SYT13: variants seen among roughly 807,000 people sequenced by gnomAD.
SYT13 encodes synaptotagmin-13.
SYT13 carries 21 observed loss-of-function variants against 38.6 expected under a neutral mutation model. The observed-to-expected ratio is 0.54, with a 90% CI of 0.39 to 0.78. The LOEUF is 0.78. Ranked by LOEUF, SYT13 falls within the 30% of genes least tolerant of loss-of-function variation. The probability of loss-of-function intolerance (pLI) is 0.00; values close to 1 mark genes in which losing one functional copy is unlikely to be tolerated. For missense variants in SYT13, 495 were observed against 548.7 expected (o/e 0.90, Z 0.98); for synonymous variants, 241 against 237.6 (o/e 1.01, Z -0.13).
rs1444026648 is a variant in SYT13, at chr11:45,286,006, GC to G, written c.183+18del. ...ACCCCGCCTTGCCCGGGAAGGGCCT[GC>G]GCGCCGCCCCCGCTCACCTGTTGTG... On this transcript the variant is annotated intron_variant, in intron 1 of 5. Coordinates refer to ENST00000020926, the MANE Select transcript of SYT13 (RefSeq NM_020826.3). 3.8e-6 allele frequency: 6 copies of G among 1,598,956 alleles called. No homozygotes were observed. In the South Asian group the frequency reaches 6.7e-5, roughly 18 times the overall value.
chr11:45,254,559 G>A, intron 2 of SYT13, 155 bp from the exon 3 acceptor site: 1 of 1,055,870 alleles, frequency 9.5e-7, no homozygotes, highest in Non-Finnish European at 1.3e-6. Context: ...ACAACAGGTG[G>A]GGTCAATGTC....
In SYT13 at chr11:45,272,787, G is replaced by C. The variant is rs538511401; in HGVS notation, c.183+13238C>G. 3.3e-5 allele frequency among the ~76,000 whole-genome samples: 5 copies of C among 152,272 alleles called. No homozygotes were observed. The East Asian group carries it at 7.7e-4, about 23-fold the overall frequency. ...ATAACAGCCCCAGAGCTTCCTACCTGCAGGTGTGTCTGTTTGGCAAGCAGA... is the reference window on the plus strand; with the variant it reads ...ATAACAGCCCCAGAGCTTCCTACCTCCAGGTGTGTCTGTTTGGCAAGCAGA... On this transcript the variant is annotated intron_variant, in intron 1 of 5. Coordinates refer to ENST00000020926, the MANE Select transcript of SYT13 (RefSeq NM_020826.3).
chr11:45,263,690 G>A (rs2135899532), intron 1 of SYT13, among the ~76,000 whole-genome samples: 1 of 152,302 alleles, frequency 6.6e-6, no homozygotes, highest in South Asian at 2.1e-4. Flanking sequence ...CTGTCGCTCT[G>A]GCCTCTAATA....
intron 1 of SYT13, among the ~76,000 whole-genome samples, chr11:45,257,288 C>G (rs977983530): frequency 1.3e-5 from 2 of 152,110 alleles, no homozygotes; most frequent in Non-Finnish European, 1.5e-5. Context: ...GCAATAGGAG[C>G]CTTCCTGGTC....
intron 1 of SYT13, among the ~76,000 whole-genome samples, chr11:45,273,431 C>G (rs902688226): frequency 7.1e-6 from 1 of 140,860 alleles, no homozygotes. Flanking sequence ...GTCAATGCAG[C>G]TGATAGGTGG....
At chr11:45,281,256 A>G (rs1027137078) in intron 1 of SYT13, among the ~76,000 whole-genome samples, 2 of 152,200 alleles carry the variant, frequency 1.3e-5, no homozygotes, top group Admixed American at 1.3e-4. Flanking sequence ...AAACCTTAGA[A>G]CTAATCTACT....
At chr11:45,284,285 G>A (rs1855108799) in intron 1 of SYT13, among the ~76,000 whole-genome samples, 1 of 152,172 alleles carries the variant, frequency 6.6e-6, no homozygotes, top group Non-Finnish European at 1.5e-5. Flanking sequence ...GCTAGAGTCT[G>A]GCTCTAAAAC....
chr11:45,244,913 G>T (rs1007246610), intron 5 of SYT13, among the ~76,000 whole-genome samples: 13 of 152,168 alleles, frequency 8.5e-5, no homozygotes, highest in African/African-American at 3.1e-4. Context: ...CATCAAACCA[G>T]GTCCATGACA....
Position 45,241,297 on chromosome 11 carries a change from A to G in SYT13, c.*2755T>C, listed in dbSNP as rs1031914843. 11 of 152,208 alleles carry G rather than the reference A, an allele frequency of 7.2e-5. No homozygotes were observed. Among genetic ancestry groups the G allele is most frequent in the Middle Eastern group, 3.2e-3 (1 of 316 alleles). The allele number at this position is 152,208 out of a possible 1,614,324, so 9.4% of individuals were successfully genotyped here. On this transcript the variant is annotated 3_prime_UTR_variant, in exon 6 of 6. Transcript: ENST00000020926. ...ACTCAACAAATATATATGAATATAT[A>G]TGGAGCACCCATGAGACAGCTTTAT...
In SYT13 at chr11:45,255,932, C is replaced by T. The variant is rs1854740568; in HGVS notation, c.184-41G>A. 3 of 1,600,510 alleles carry T rather than the reference C, an allele frequency of 1.9e-6. No individual in the cohort carries two copies. The East Asian group carries it at 6.7e-5, about 36-fold the overall frequency. On this transcript the variant is annotated intron_variant, in intron 1 of 5. Transcript: ENST00000020926. The stretch of plus-strand genomic sequence containing the variant: ...ACTCTGATTAGTCCACAAAGGAGCC[C>T]TCTTGTCTGTTTCCCCCCATGGAAG...
At chr11:45,265,197 G>A (rs1003064295) in intron 1 of SYT13, among the ~76,000 whole-genome samples, 1 of 152,234 alleles carries the variant, frequency 6.6e-6, no homozygotes, top group Non-Finnish European at 1.5e-5. Flanking sequence ...CAACAATAGA[G>A]AAGAATTACC....
chr11:45,266,010 T>C (rs1854876986), intron 1 of SYT13, among the ~76,000 whole-genome samples: 1 of 152,166 alleles, frequency 6.6e-6, no homozygotes, highest in Non-Finnish European at 1.5e-5. Flanking sequence ...CATTAAGCTG[T>C]AAACTTAGGA....
intron 1 of SYT13, among the ~76,000 whole-genome samples, chr11:45,267,265 G>T (rs539745742): frequency 1.3e-5 from 2 of 152,262 alleles, no homozygotes; most frequent in African/African-American, 4.8e-5. Flanking sequence ...TTCAGCCACC[G>T]CCTCCCATTT....
chr11:45,252,765 A>T lies in SYT13; in HGVS notation c.545-43T>A. The T allele has an allele frequency of 1.3e-6, 2 of 1,519,888 alleles. No individual in the cohort carries two copies. The highest frequency in any genetic ancestry group is 2.8e-5 in the African/African-American group (2 of 72,650). 94.2% of individuals were successfully genotyped at this position (1,519,888 alleles called of 1,614,324 possible). On this transcript the variant is annotated intron_variant, in intron 3 of 5. Coordinates refer to ENST00000020926, the MANE Select transcript of SYT13 (RefSeq NM_020826.3). This position sits in a 1 kb window ranked among gnomAD's most constrained non-coding sequence, Gnocchi z 4.3. ...AACACAGGCGTGGGACTTTCTGAGG[A>T]CAAGTGGAGGGGGCAGAAGCACGCC...
At chr11:45,263,057 C>T (rs937699988) in intron 1 of SYT13, among the ~76,000 whole-genome samples, 7 of 152,152 alleles carry the variant, frequency 4.6e-5, no homozygotes, top group Admixed American at 2.0e-4. Flanking sequence ...CTCCCAGGCC[C>T]TGCCCACCAT....
In SYT13 at chr11:45,248,425, T is replaced by A. The variant is rs189980105; in HGVS notation, c.847-1913A>T. Among the ~76,000 whole-genome samples the A allele has an allele frequency of 2.1e-3, 325 of 152,342 alleles. 2 individuals are homozygous for A. Among genetic ancestry groups the A allele is most frequent in the Admixed American group, 5.0e-3 (77 of 15,308 alleles). On this transcript the variant is annotated intron_variant, in intron 4 of 5. Coordinates refer to ENST00000020926, the MANE Select transcript of SYT13 (RefSeq NM_020826.3). ...AGAGGGCTACTGATTTTGTTCCCATTTTAAGCACAAGAACCTCAGATTCAG... is the reference window on the plus strand; with the variant it reads ...AGAGGGCTACTGATTTTGTTCCCATATTAAGCACAAGAACCTCAGATTCAG...
In SYT13 at chr11:45,251,375, G is replaced by A. The variant is rs376452438; in HGVS notation, c.846+1046C>T. 1.4e-3 allele frequency among the ~76,000 whole-genome samples: 160 copies of A among 110,844 alleles called. 1 individual carries two copies. The highest frequency in any genetic ancestry group is 7.6e-3 in the Middle Eastern group (1 of 132). The allele number at this position is 110,844 out of a possible 152,430, so 72.7% of individuals were successfully genotyped here. A position where few individuals can be genotyped will look rare whatever the true frequency, so the allele number is the denominator to read the frequency against. The stretch of plus-strand genomic sequence containing the variant: ...CTGCACTCCAGCCTGGCAACAGAGC[G>A]AGACTCTGTCTAAAAAAAAAAAAAA... On this transcript the variant is annotated intron_variant, in intron 4 of 5. Transcript: ENST00000020926.
chr11:45,260,511 G>A (rs1011058307), intron 1 of SYT13, among the ~76,000 whole-genome samples: 2 of 152,168 alleles, frequency 1.3e-5, no homozygotes, highest in African/African-American at 4.8e-5. Context: ...CAGGGTAGCA[G>A]GGCCCTAGAG....
chr11:45,250,448 G>A (rs1333952868), intron 4 of SYT13, among the ~76,000 whole-genome samples: 1 of 152,236 alleles, frequency 6.6e-6, no homozygotes, highest in Non-Finnish European at 1.5e-5. Flanking sequence ...AGAGGGCAGT[G>A]AGAGAAGCTG....
Sources: gnomAD v4.1 joint callset for allele counts (sites outside exome capture counted in the v4.1 genomes callset) on GRCh38, gnomAD v4.1.1 for gene constraint, Gnocchi (gnomAD v3.1) non-coding constraint, MANE v1.5 for transcripts, NCBI Gene and HGNC (gene_info 2026-07-23, HGNC 2026-07-21) for gene names.